LOXHD1: variants seen among roughly 807,000 people sequenced by gnomAD.
LOXHD1 encodes lipoxygenase homology PLAT domains 1, also known as lipoxygenase homology domain-containing protein 1.
A neutral mutation model predicts 248.2 loss-of-function variants in LOXHD1; 205 were observed. The ratio of observed to expected loss-of-function variants is 0.83; its 90% CI spans 0.74 to 0.93. The LOEUF (loss-of-function observed/expected upper bound fraction) is 0.93. Among genes scored for constraint, LOXHD1 ranks in the 40% least tolerant of loss-of-function variants. The pLI is 0.00. For synonymous variants in LOXHD1, 1,113 were observed against 1,162.8 expected (o/e 0.96, Z 0.87); for missense variants, 2,930 against 2,971.6 (o/e 0.99, Z 0.33).
intron 6 of LOXHD1, among the ~76,000 whole-genome samples, chr18:46,607,070 G>C (rs1199608115): frequency 6.6e-6 from 1 of 151,946 alleles, no homozygotes; most frequent in Non-Finnish European, 1.5e-5. Flanking sequence ...GGAGGCTGAG[G>C]CAGGAGAAGA....
At chr18:46,560,048 T>TGCCAGGCCCCC in intron 19 of LOXHD1, 35 bp downstream of exon 19, 1 of 1,226,298 alleles carries the variant, frequency 8.2e-7, no homozygotes, top group Non-Finnish European at 1.1e-6. Context: ...GTCTGGCCAC[T>TGCCAGGCCCCC]CCCTCCCCAC....
At chr18:46,585,363 A>G (rs909538271) in intron 12 of LOXHD1, among the ~76,000 whole-genome samples, 1 of 152,208 alleles carries the variant, frequency 6.6e-6, no homozygotes, top group African/African-American at 2.4e-5. Context: ...TACAAGATCA[A>G]TATACCAAAA....
chr18:46,619,410 T>C (rs955269033), intron 4 of LOXHD1, among the ~76,000 whole-genome samples: 2 of 152,212 alleles, frequency 1.3e-5, no homozygotes, highest in African/African-American at 4.8e-5. Flanking sequence ...ACAATGATTT[T>C]TGAGTTTTGT....
chr18:46,517,318 G>T (rs1255820476), intron 34 of LOXHD1, among the ~76,000 whole-genome samples: 1 of 152,144 alleles, frequency 6.6e-6, no homozygotes, highest in Non-Finnish European at 1.5e-5. Flanking sequence ...AATCACTAAT[G>T]AGTGATTAGG....
intron 37 of LOXHD1, among the ~76,000 whole-genome samples, chr18:46,504,164 A>C (rs1449693497): frequency 3.3e-5 from 5 of 152,064 alleles, no homozygotes; most frequent in Non-Finnish European, 7.4e-5. Flanking sequence ...CCCAGGCTGG[A>C]GTGCAGTGAT....
chr18:46,603,878 C>A (rs1227232601), intron 7 of LOXHD1, among the ~76,000 whole-genome samples: 1 of 152,204 alleles, frequency 6.6e-6, no homozygotes, highest in Non-Finnish European at 1.5e-5. Flanking sequence ...CTTCCTTTGC[C>A]CTGGGCAGTT....
At chr18:46,587,311 A>G (rs1807862210) in intron 12 of LOXHD1, among the ~76,000 whole-genome samples, 1 of 152,228 alleles carries the variant, frequency 6.6e-6, no homozygotes, top group East Asian at 1.9e-4. Context: ...CAGGGAAGGA[A>G]AGCTCTCAAC....
chr18:46,522,362 T>C, intron 31 of LOXHD1, 53 bp from the exon 32 acceptor site: 1 of 1,438,338 alleles, frequency 7.0e-7, no homozygotes, highest in Non-Finnish European at 9.5e-7. Context: ...GACAAGGCAC[T>C]GCCTCATAGA....
At chr18:46,478,940 C>A (rs1005475783) in intron 40 of LOXHD1, among the ~76,000 whole-genome samples, 10 of 152,168 alleles carry the variant, frequency 6.6e-5, no homozygotes, top group Admixed American at 6.5e-4. Flanking sequence ...TCAAGCAATT[C>A]TCCTGCGCTG....
rs990776969 is a variant in LOXHD1 at position 46,650,437 on chromosome 18, T to C, written c.131-1168A>G. 2.6e-5 allele frequency among the ~76,000 whole-genome samples: 4 copies of C among 152,356 alleles called. No homozygotes were observed. The South Asian group carries it at 8.3e-4, about 32-fold the overall frequency. ...TAATACAAGTACTTAATAATTGTAG[T>C]AATAAACAACATTGAGTGGTTGCTT... On this transcript the variant is annotated intron_variant, in intron 1 of 40. Coordinates refer to ENST00000642948, the MANE Select transcript of LOXHD1 (RefSeq NM_001384474.1).
At chr18:46,556,761 A>C in intron 21 of LOXHD1, 1 of 186,720 alleles carries the variant, frequency 5.4e-6, no homozygotes. Flanking sequence ...CTCCAACGTC[A>C]CCCAGCCCAC....
At chr18:46,600,204 T>A (rs796879356) in intron 8 of LOXHD1, among the ~76,000 whole-genome samples, 22 of 152,358 alleles carry the variant, frequency 1.4e-4, no homozygotes, top group African/African-American at 5.3e-4. Flanking sequence ...AAATAAATTG[T>A]AACTCATTCA....
chr18:46,482,615 G>A (rs1399843083), intron 40 of LOXHD1, among the ~76,000 whole-genome samples: 1 of 152,208 alleles, frequency 6.6e-6, no homozygotes, highest in Non-Finnish European at 1.5e-5. Flanking sequence ...TGCTTGGTCT[G>A]GGGGAGCCAA....
chr18:46,500,076 C>T (rs866135978), intron 37 of LOXHD1, among the ~76,000 whole-genome samples: 99 of 152,036 alleles, frequency 6.5e-4, no homozygotes, highest in African/African-American at 2.3e-3. Flanking sequence ...GGAGGTAATT[C>T]CTTCCCCTTC....
At chr18:46,489,228 G>A (rs933663552) in intron 37 of LOXHD1, 86 bp from the exon 38 acceptor site, 1 of 1,397,736 alleles carries the variant, frequency 7.2e-7, no homozygotes, top group African/African-American at 1.4e-5. Context: ...CCCATTGGCT[G>A]TGTGGCCCTG....
chr18:46,506,126 G>A, intron 36 of LOXHD1, 103 bp from the exon 37 acceptor site: 1 of 1,285,948 alleles, frequency 7.8e-7, no homozygotes, highest in Non-Finnish European at 1.1e-6. Context: ...CAGGGGTACA[G>A]GTGGACAGAG....
Position 46,641,843 on chromosome 18 carries a change from T to G in LOXHD1, c.326+113A>C. ...GACAGGGAAAGATTTGGGCCTTTGG[T>G]AGCCCCTCAAATAACATCTGGGAAG... On this transcript the variant is annotated intron_variant, in intron 3 of 40. Coordinates refer to ENST00000642948, the MANE Select transcript of LOXHD1 (RefSeq NM_001384474.1). 4.7e-6 allele frequency: 5 copies of G among 1,063,820 alleles called. No homozygotes were observed. In the South Asian group the frequency reaches 7.2e-5, roughly 15 times the overall value. The allele number at this position is 1,063,820 out of a possible 1,614,324, so 65.9% of individuals were successfully genotyped here.
chr18:46,522,022 T>A, intron 32 of LOXHD1, 79 bp downstream of exon 32: 502 of 672,282 alleles, frequency 7.5e-4, no homozygotes, highest in East Asian at 1.3e-3. Context: ...CACCCTGCAC[T>A]CTCCCGCCCA....
intron 7 of LOXHD1, chr18:46,601,697 C>T (rs1284381036): frequency 3.5e-5 from 19 of 540,400 alleles, no homozygotes; most frequent in South Asian, 2.3e-4. Context: ...ATAAACCGCA[C>T]GTATTATTAC....
Sources: allele counts gnomAD v4.1 joint callset (sites outside exome capture counted in the v4.1 genomes callset), GRCh38; gene constraint gnomAD v4.1.1; transcripts MANE v1.5; gene names NCBI Gene and HGNC (gene_info 2026-07-23, HGNC 2026-07-21).